Variants in PSME3IP1 observed in about 807,000 individuals in gnomAD.
PSME3IP1 encodes PSME3-interacting protein.
Under a neutral mutation model 34.1 loss-of-function variants are expected in PSME3IP1, and 13 were observed. The observed-to-expected ratio is 0.38, with a 90% CI of 0.25 to 0.61. The LOEUF (loss-of-function observed/expected upper bound fraction) is 0.61, where lower values mean the gene tolerates loss of function less well. PSME3IP1 is among the 20% of genes least tolerant of loss of function. The pLI is 0.60. For missense variants in PSME3IP1, 237 were observed against 301.4 expected (o/e 0.79, Z 1.58); for synonymous variants, 93 against 114.3 (o/e 0.81, Z 1.19).
At chr16:57,170,934 G>A (rs1166629804) in intron 4 of PSME3IP1, among the ~76,000 whole-genome samples, 1 of 152,150 alleles carries the variant, frequency 6.6e-6, no homozygotes, top group African/African-American at 2.4e-5. Flanking sequence ...TTAGCTGGGC[G>A]TGGTGGCATG....
intron 1 of PSME3IP1, among the ~76,000 whole-genome samples, chr16:57,177,262 C>G (rs1424539258): frequency 1.3e-5 from 2 of 152,022 alleles, no homozygotes; most frequent in Non-Finnish European, 2.9e-5. Flanking sequence ...AATAAGAATT[C>G]AGAGAGCCTC....
chr16:57,185,265 A>G (rs1278656998), intron 1 of PSME3IP1, among the ~76,000 whole-genome samples: 1 of 152,240 alleles, frequency 6.6e-6, no homozygotes, highest in Non-Finnish European at 1.5e-5. Flanking sequence ...GTGGACTGAC[A>G]GTCACAAGGA....
chr16:57,169,283 C>T (rs758872188), intron 4 of PSME3IP1, among the ~76,000 whole-genome samples: 3 of 152,164 alleles, frequency 2.0e-5, no homozygotes, highest in East Asian at 1.9e-4. Context: ...TGAGACGAAA[C>T]AAGAGTTCTG....
intron 5 of PSME3IP1, among the ~76,000 whole-genome samples, chr16:57,166,429 C>T (rs975620354): frequency 1.3e-5 from 2 of 152,190 alleles, no homozygotes; most frequent in Admixed American, 6.5e-5. Flanking sequence ...GCCAGGGCTG[C>T]CATGTTCTTT....
intron 6 of PSME3IP1, among the ~76,000 whole-genome samples, chr16:57,155,800 T>C (rs1355738400): frequency 6.6e-6 from 1 of 151,780 alleles, no homozygotes; most frequent in Non-Finnish European, 1.5e-5. Context: ...AGCAAGACAC[T>C]GCCTCAAAAA....
chr16:57,185,666 G>A (rs1300315098), intron 1 of PSME3IP1, 155 bp downstream of exon 1: 3 of 985,544 alleles, frequency 3.0e-6, no homozygotes, highest in Non-Finnish European at 2.4e-6. Flanking sequence ...GGCTGGGCCC[G>A]CAAGCCCCAG....
intron 4 of PSME3IP1, among the ~76,000 whole-genome samples, chr16:57,170,081 CT>C (rs869047118): frequency 0.019 from 2,361 of 125,896 alleles, 43 homozygotes; most frequent in African/African-American, 0.055. Flanking sequence ...CCATACAACG[CT>C]TTTTTTTTTT....
Position 57,172,795 on chromosome 16 carries a change from G to A in PSME3IP1, c.207C>T (p.Tyr69=), listed in dbSNP as rs768449295. Reference sequence around the variant, plus strand: ...GCTTACTGAATTTGAACTGTTCCTCGTACTCCTGCTGCTTCCTGTCCTTCT... The same window carrying A: ...GCTTACTGAATTTGAACTGTTCCTCATACTCCTGCTGCTTCCTGTCCTTCT... The part of the protein sequence containing the change: ...QEQKDRKQQE[Y]EEQFKFKNMV... The change falls in exon 3 of 7, where the codon TAC becomes TAT. Residue 69 remains tyrosine (Y), a synonymous_variant. Coordinates refer to ENST00000309137, the MANE Select transcript of PSME3IP1 (RefSeq NM_024946.4). 3.3e-5 allele frequency: 54 copies of A among 1,612,870 alleles called. No individual in the cohort carries two copies. The highest frequency in any genetic ancestry group is 6.7e-5 in the African/African-American group (5 of 74,874).
chr16:57,164,907 T>C (rs1320426792), intron 5 of PSME3IP1, among the ~76,000 whole-genome samples: 1 of 151,848 alleles, frequency 6.6e-6, no homozygotes, highest in Non-Finnish European at 1.5e-5. Context: ...GGTGCATGCC[T>C]GTAATCCCAG....
At chr16:57,176,244 A>T (rs976159359) in intron 1 of PSME3IP1, among the ~76,000 whole-genome samples, 17 of 152,098 alleles carry the variant, frequency 1.1e-4, no homozygotes, top group African/African-American at 4.1e-4. Context: ...GACATTCCGA[A>T]CCCTCAATTT....
chr16:57,180,433 T>TA (rs1169853525), intron 1 of PSME3IP1, among the ~76,000 whole-genome samples: 2 of 149,966 alleles, frequency 1.3e-5, no homozygotes, highest in African/African-American at 4.9e-5. Flanking sequence ...CTACTAAAAA[T>TA]ACAAAAATTA....
rs1463346821 is a variant in PSME3IP1 at position 57,173,801 on chromosome 16, C to T, written c.54G>A (p.Glu18=). ...TTTTGCGCCGTTCATCTAGTTCTGC[C>T]TCAGACACAAACCTCTTTTTGATAA... is the stretch of plus-strand genomic sequence containing the variant. ...NLIIKKRFVS[E]AELDERRKRR... The change falls in exon 2 of 7, where the codon GAG becomes GAA. Residue 18 remains glutamate, a synonymous_variant. Coordinates refer to ENST00000309137, the MANE Select transcript of PSME3IP1 (RefSeq NM_024946.4). 1.2e-6 allele frequency: 2 copies of T among 1,614,024 alleles called. No homozygotes were observed. The highest frequency in any genetic ancestry group is 1.7e-6 in the Non-Finnish European group (2 of 1,180,004).
intron 4 of PSME3IP1, among the ~76,000 whole-genome samples, chr16:57,169,682 T>G (rs1402002802): frequency 6.6e-6 from 1 of 152,228 alleles, no homozygotes; most frequent in East Asian, 1.9e-4. Context: ...TCAACAGCAC[T>G]TCTCCCCAGA....
In PSME3IP1 at chr16:57,184,309, GAATT is replaced by G. The variant is rs576361190; in HGVS notation, c.-16+1508_-16+1511del. 3.9e-3 allele frequency among the ~76,000 whole-genome samples: 597 copies of G among 151,146 alleles called. 5 individuals are homozygous for G. Among genetic ancestry groups the G allele is most frequent in the South Asian group, 8.6e-3 (41 of 4,794 alleles). ...ATATAAAATGGCTGAGAATTTTACA[GAATT>G]AATGAAAGACACTAATCCACAGATT... is the stretch of plus-strand genomic sequence containing the variant. On this transcript the variant is annotated intron_variant, in intron 1 of 6. Transcript: ENST00000309137.
chr16:57,167,527 G>T (rs766115243), intron 4 of PSME3IP1, among the ~76,000 whole-genome samples: 21 of 152,288 alleles, frequency 1.4e-4, no homozygotes, highest in Non-Finnish European at 4.4e-5. Context: ...CATGCTTGAT[G>T]AGGAAAACAG....
intron 6 of PSME3IP1, among the ~76,000 whole-genome samples, chr16:57,155,133 G>A (rs768890506): frequency 6.6e-6 from 1 of 152,238 alleles, no homozygotes; most frequent in Non-Finnish European, 1.5e-5. Context: ...TCCCAAGTGG[G>A]AGAGAGGAGC....
In PSME3IP1 at chr16:57,163,892, C is replaced by T. The variant is rs116736927; in HGVS notation, c.547+109G>A. 8.6e-4 allele frequency: 976 copies of T among 1,137,168 alleles called. 5 individuals carry two copies. The African/African-American group carries it at 0.013, about 15-fold the overall frequency. The allele number at this position is 1,137,168 out of a possible 1,614,324, so 70.4% of individuals were successfully genotyped here. ...GTTGGGTAAATTAAGCATAGGTAGG[C>T]TTGCTTGAAGACAGAAATGCATTCA... On this transcript the variant is annotated intron_variant, in intron 6 of 6. Transcript: ENST00000309137.
Position 57,154,386 on chromosome 16 carries a change from G to A in PSME3IP1, c.669C>T (p.Asp223=). The A allele has an allele frequency of 6.2e-7, 1 of 1,614,130 alleles. No homozygotes were observed. Residue 223 remains aspartate (D), a synonymous_variant, in exon 7 of 7, where the codon GAC becomes GAT. Transcript: ENST00000309137. The surrounding 1 kb of genome is among the most constrained non-coding windows in gnomAD (Gnocchi z 4.0). ...CTTCGCTGTCTGAGCTGGACTCGGAGTCGCTGCTCCCAGAGTAGGCACCCA... is the reference window on the plus strand; with the variant it reads ...CTTCGCTGTCTGAGCTGGACTCGGAATCGCTGCTCCCAGAGTAGGCACCCA... ...PGLGAYSGSS[D]SESSSDSEGT...
chr16:57,161,063 C>T (rs1171294769), intron 6 of PSME3IP1, among the ~76,000 whole-genome samples: 1 of 152,196 alleles, frequency 6.6e-6, no homozygotes, highest in Non-Finnish European at 1.5e-5. Flanking sequence ...GTATATTAGC[C>T]TACTGCTAAG....
Sources: gnomAD v4.1 joint callset for allele counts (sites outside exome capture counted in the v4.1 genomes callset) on GRCh38, gnomAD v4.1.1 for gene constraint, Gnocchi (gnomAD v3.1) non-coding constraint, MANE v1.5 for transcripts, NCBI Gene and HGNC (gene_info 2026-07-23, HGNC 2026-07-21) for gene names.